LAMA3: variants seen among roughly 807,000 people sequenced by gnomAD.
The protein encoded by LAMA3 is laminin subunit alpha 3.
In LAMA3, 281 loss-of-function variants were observed where a neutral mutation model predicts 402.0. That is an observed-to-expected ratio of 0.70 (90% CI 0.63 to 0.77). The LOEUF (loss-of-function observed/expected upper bound fraction) is 0.77, where lower values mean the gene tolerates loss of function less well. LAMA3 is among the 30% of genes least tolerant of loss of function. LAMA3 has a pLI of 0.00. For missense variants in LAMA3, 3,840 were observed against 4,215.5 expected (o/e 0.91, Z 2.47); for synonymous variants, 1,431 against 1,558.4 (o/e 0.92, Z 1.93).
At chr18:23,947,812 C>CTT (rs35106056) in intron 70 of LAMA3, among the ~76,000 whole-genome samples, 8 of 110,496 alleles carry the variant, frequency 7.2e-5, no homozygotes, top group African/African-American at 1.2e-4. Context: ...TTCCTATTTT[C>CTT]TTTTTTTTTT....
At chr18:23,736,867 G>A (rs2146037304) in intron 2 of LAMA3, among the ~76,000 whole-genome samples, 1 of 152,244 alleles carries the variant, frequency 6.6e-6, no homozygotes, top group South Asian at 2.1e-4. Context: ...GGGGATGAGG[G>A]ACCTTGGGGT....
intron 12 of LAMA3, 63 bp from the exon 13 acceptor site, chr18:23,810,303 G>A (rs973879465): frequency 8.8e-6 from 14 of 1,598,756 alleles, no homozygotes; most frequent in Admixed American, 5.0e-5. Context: ...GCTCCGGGAC[G>A]TGGTTCTTCC....
At position 23,920,876 on chromosome 18, in the gene LAMA3, G is replaced by A; in HGVS notation, c.7924-59G>A. Reference sequence around the variant, plus strand: ...GTCTGTGAGAGTAACGGGAGTTCCAGTGCTCTGCCTCTTCTTCAGCCAAGC... The same window carrying A: ...GTCTGTGAGAGTAACGGGAGTTCCAATGCTCTGCCTCTTCTTCAGCCAAGC... On this transcript the variant is annotated intron_variant, in intron 60 of 74. Coordinates refer to ENST00000313654, the MANE Select transcript of LAMA3 (RefSeq NM_198129.4). 3.7e-6 allele frequency: 6 copies of A among 1,608,290 alleles called. No homozygotes were observed. In the South Asian group the frequency reaches 5.5e-5, roughly 15 times the overall value.
chr18:23,915,811 G>A (rs1471771589), intron 59 of LAMA3, among the ~76,000 whole-genome samples: 2 of 151,736 alleles, frequency 1.3e-5, no homozygotes, highest in African/African-American at 4.8e-5. Context: ...TTTGAGACCA[G>A]CCTGGCCAAC....
Position 23,751,095 on chromosome 18 carries a change from A to G in LAMA3, c.855+7A>G, listed in dbSNP as rs2061744194. 3.1e-6 allele frequency: 5 copies of G among 1,614,044 alleles called. No individual in the cohort carries two copies. The highest frequency in any genetic ancestry group is 4.2e-6 in the Non-Finnish European group (5 of 1,179,896). Reference sequence around the variant, plus strand: ...TCCAACTGTCACTCGGCGGGTGAGTAGTCAGAGCATTTGTTTTGTTACTTT... The same window carrying G: ...TCCAACTGTCACTCGGCGGGTGAGTGGTCAGAGCATTTGTTTTGTTACTTT... On this transcript the variant is annotated splice_region_variant and intron_variant, in intron 5 of 74. Transcript: ENST00000313654.
chr18:23,835,552 T>A (rs1038472276), intron 24 of LAMA3, among the ~76,000 whole-genome samples: 1 of 152,194 alleles, frequency 6.6e-6, no homozygotes, highest in African/African-American at 2.4e-5. Context: ...GGAGTTTCTA[T>A]CCTTAGAAAC....
In LAMA3 at chr18:23,753,758, A is replaced by G; in HGVS notation, c.893A>G (p.Gln298Arg). Reference sequence around the variant, plus strand: ...ATAAAGGACATCAGCATTGGTGGGCAGTGTGTTTGCAATGGCCATGCTGAA... The same window carrying G: ...ATAAAGGACATCAGCATTGGTGGGCGGTGTGTTTGCAATGGCCATGCTGAA... Reference protein sequence around the residue: ...YSIKDISIGGQCVCNGHAEVC... With the variant: ...YSIKDISIGGRCVCNGHAEVC... The change falls in exon 6 of 75, where the codon CAG becomes CGG. Residue 298 changes from glutamine to arginine, a missense_variant. By Grantham distance (43) the Gln-to-Arg change is conservative. Coordinates refer to ENST00000313654, the MANE Select transcript of LAMA3 (RefSeq NM_198129.4). 6.2e-7 allele frequency: 1 copy of G among 1,614,070 alleles called. No individual in the cohort carries two copies. Among genetic ancestry groups the G allele is most frequent in the Non-Finnish European group, 8.5e-7 (1 of 1,179,884 alleles).
At chr18:23,755,665 T>C (rs577416470) in intron 6 of LAMA3, among the ~76,000 whole-genome samples, 1 of 152,338 alleles carries the variant, frequency 6.6e-6, no homozygotes, top group African/African-American at 2.4e-5. Context: ...TCAAATTTAA[T>C]TCTGAGCTTC....
chr18:23,704,711 C>A (rs558853751), intron 1 of LAMA3, among the ~76,000 whole-genome samples: 1 of 152,226 alleles, frequency 6.6e-6, no homozygotes, highest in South Asian at 2.1e-4. Flanking sequence ...TAGTGCTCTA[C>A]CCATGGTAGG....
At chr18:23,905,666 TTAAATG>T in intron 52 of LAMA3, 42 bp downstream of exon 52, 1 of 1,174,914 alleles carries the variant, frequency 8.5e-7, no homozygotes, top group East Asian at 2.4e-5. Flanking sequence ...GTCAGGAGCT[TTAAATG>T]ACCTCTGGGA....
At chr18:23,745,563 C>T (rs1159112475) in intron 2 of LAMA3, among the ~76,000 whole-genome samples, 1 of 152,192 alleles carries the variant, frequency 6.6e-6, no homozygotes, top group Non-Finnish European at 1.5e-5. Flanking sequence ...AGCAAACACT[C>T]AGTGGGTGGA....
chr18:23,805,848 T>C (rs2062952636), intron 12 of LAMA3, among the ~76,000 whole-genome samples: 1 of 152,222 alleles, frequency 6.6e-6, no homozygotes, highest in Admixed American at 6.5e-5. Context: ...CTTATAAATG[T>C]TTGGCGGTGG....
Position 23,858,812 on chromosome 18 carries a change from C to T in LAMA3, c.4405C>T (p.His1469Tyr), listed in dbSNP as rs1404973580. 6.2e-7 allele frequency: 1 copy of T among 1,614,068 alleles called. No homozygotes were observed. Among genetic ancestry groups the T allele is most frequent in the Non-Finnish European group, 8.5e-7 (1 of 1,180,008 alleles). The stretch of plus-strand genomic sequence containing the variant: ...AGTAAATAATCAATGTCACAGCTCA[C>T]ATAAGCGAAGGACTAAGGTATGCAT... ...FGVNNQCHSSHKRRTKFVDML... is the reference protein window; with the variant it reads ...FGVNNQCHSSYKRRTKFVDML... Residue 1469 changes from histidine to tyrosine, a missense_variant, in exon 34 of 75, where the codon CAT (histidine) becomes TAT (tyrosine). Transcript: ENST00000313654.
intron 24 of LAMA3, 102 bp from the exon 25 acceptor site, chr18:23,836,879 A>G (rs2063591868): frequency 2.6e-6 from 2 of 782,476 alleles, no homozygotes; most frequent in Non-Finnish European, 4.5e-6. Flanking sequence ...TCATTCAGTT[A>G]TAAACAGGTG....
intron 37 of LAMA3, among the ~76,000 whole-genome samples, 174 bp from the exon 38 acceptor site, chr18:23,871,257 A>G (rs2064508548): frequency 6.6e-6 from 1 of 152,136 alleles, no homozygotes; most frequent in African/African-American, 2.4e-5. Flanking sequence ...AACCCAGGAC[A>G]CCTGACTTCT....
At chr18:23,834,337 G>C in intron 24 of LAMA3, 3 of 333,332 alleles carry the variant, frequency 9.0e-6, no homozygotes, top group Non-Finnish European at 1.7e-5. Flanking sequence ...CAAGTACCTG[G>C]GTGCATAGCA....
rs1298248910 is a variant in LAMA3 at position 23,777,486 on chromosome 18, G to A, written c.1406-71G>A. The A allele has an allele frequency of 4.6e-6, 5 of 1,078,668 alleles. No individual in the cohort carries two copies. The East Asian group carries it at 1.2e-4, about 25-fold the overall frequency. The allele number at this position is 1,078,668 out of a possible 1,614,324, so 66.8% of individuals were successfully genotyped here. ...GTGACAGAGGGTGTCTTCCTAGTTA[G>A]TACAACTTAATGTTTTACTTTACTA... On this transcript the variant is annotated intron_variant, in intron 10 of 74. Coordinates refer to ENST00000313654, the MANE Select transcript of LAMA3 (RefSeq NM_198129.4).
Position 23,813,063 on chromosome 18 carries a change from G to A in LAMA3, c.1748G>A (p.Ser583Asn), listed in dbSNP as rs1482411216. 9 of 1,607,578 alleles carry A rather than the reference G, an allele frequency of 5.6e-6. No homozygotes were observed. Among genetic ancestry groups the A allele is most frequent in the Non-Finnish European group, 7.7e-6 (9 of 1,174,264 alleles). ...AYDFPHCQGSSSACDPAGTIN... is the reference protein window; with the variant it reads ...AYDFPHCQGSNSACDPAGTIN... ...ATTTCTGAATCATATTCAGGTTCCA[G>A]CAGTGCTTGTGACCCAGCTGGTACC... Residue 583 changes from serine (S) to asparagine (N), a missense_variant, in exon 14 of 75, where the codon AGC becomes AAC. This residue lies in a region of LAMA3 where 2,109 missense variants were observed against 2,376.0 expected (regional missense o/e 0.89). Coordinates refer to ENST00000313654, the MANE Select transcript of LAMA3 (RefSeq NM_198129.4).
chr18:23,841,502 G>A (rs2063700789), intron 27 of LAMA3, among the ~76,000 whole-genome samples: 3 of 152,190 alleles, frequency 2.0e-5, no homozygotes, highest in Admixed American at 1.3e-4. Flanking sequence ...TATGTGATGA[G>A]AACTCCCCAC....
Sources: allele counts gnomAD v4.1 joint callset (sites outside exome capture counted in the v4.1 genomes callset), GRCh38; gene constraint gnomAD v4.1.1; regional missense constraint gnomAD v4.1.1; transcripts MANE v1.5; gene names NCBI Gene and HGNC (gene_info 2026-07-23, HGNC 2026-07-21).